CMSS1: variants seen among roughly 807,000 people sequenced by gnomAD.
The protein encoded by CMSS1 is protein CMSS1.
Under a neutral mutation model 43.5 loss-of-function variants are expected in CMSS1, and 33 were observed. The observed-to-expected ratio is 0.76, with a 90% confidence interval of 0.57 to 1.01. CMSS1 has a LOEUF of 1.01. Among genes scored for constraint, CMSS1 ranks in the 50% least tolerant of loss-of-function variants. CMSS1 has a pLI of 0.00. For synonymous variants in CMSS1, 115 were observed against 117.2 expected (o/e 0.98, Z 0.12); for missense variants, 313 against 326.4 (o/e 0.96, Z 0.32).
chr3:99,875,252 A>T (rs899401970), intron 1 of CMSS1, among the ~76,000 whole-genome samples: 11 of 152,212 alleles, frequency 7.2e-5, no homozygotes, highest in African/African-American at 2.7e-4. Flanking sequence ...ATACTGTAAG[A>T]GTTCATTGGT....
intron 1 of CMSS1, among the ~76,000 whole-genome samples, chr3:100,133,429 C>A (rs2066725959): frequency 6.6e-6 from 1 of 151,708 alleles, no homozygotes; most frequent in African/African-American, 2.4e-5. Context: ...TACAGTAGGA[C>A]TGTCTTTTTA....
intron 1 of CMSS1, among the ~76,000 whole-genome samples, chr3:99,974,823 TAGTCCTTAGGAG>T: frequency 6.6e-6 from 1 of 152,254 alleles, no homozygotes; most frequent in East Asian, 1.9e-4. Context: ...GATAATAATT[TAGTCCTTAGGAG>T]ATGAACATTT....
At chr3:99,900,471 A>G (rs1706399383) in intron 1 of CMSS1, among the ~76,000 whole-genome samples, 1 of 152,352 alleles carries the variant, frequency 6.6e-6, no homozygotes, top group Non-Finnish European at 1.5e-5. Context: ...AAATAACCAG[A>G]TTTCAGATGA....
intron 1 of CMSS1, among the ~76,000 whole-genome samples, chr3:100,073,265 T>C (rs2107379143): frequency 6.6e-6 from 1 of 152,310 alleles, no homozygotes. Flanking sequence ...ATTATCTGAC[T>C]ATTTTCATCC....
At chr3:100,071,090 C>CTTT (rs61563009) in intron 1 of CMSS1, among the ~76,000 whole-genome samples, 7,142 of 70,136 alleles carry the variant, frequency 0.1, 372 homozygotes, top group East Asian at 0.17. Flanking sequence ...GCTACTCTCT[C>CTTT]TTTTTTTTTT....
At chr3:99,970,677 CAA>C (rs1708786692) in intron 1 of CMSS1, among the ~76,000 whole-genome samples, 1 of 152,146 alleles carries the variant, frequency 6.6e-6, no homozygotes, top group Non-Finnish European at 1.5e-5. Flanking sequence ...CAGTAAATGA[CAA>C]GACATTCTGT....
chr3:99,819,189 C>T (rs1942383220), intron 1 of CMSS1, among the ~76,000 whole-genome samples: 1 of 152,198 alleles, frequency 6.6e-6, no homozygotes, highest in African/African-American at 2.4e-5. Flanking sequence ...AGAAAGGTAG[C>T]CAATACAACA....
At chr3:99,948,665 A>G (rs577519161) in intron 1 of CMSS1, among the ~76,000 whole-genome samples, 2 of 149,926 alleles carry the variant, frequency 1.3e-5, no homozygotes, top group Admixed American at 6.6e-5. Flanking sequence ...GGGGAAGGGA[A>G]GGGAAAGAGG....
chr3:99,856,652 C>T (rs1470945830), intron 1 of CMSS1, among the ~76,000 whole-genome samples: 2 of 152,282 alleles, frequency 1.3e-5, no homozygotes, highest in Middle Eastern at 3.4e-3. Flanking sequence ...ATGTACAATA[C>T]CAGTTCCTTA....
intron 1 of CMSS1, among the ~76,000 whole-genome samples, chr3:99,865,401 G>A (rs1335553860): frequency 2.0e-5 from 3 of 152,090 alleles, no homozygotes; most frequent in Admixed American, 6.5e-5. Context: ...TTTGTGTGCT[G>A]TAATATTCTG....
chr3:100,093,577 G>T (rs2066150999), intron 1 of CMSS1, among the ~76,000 whole-genome samples: 1 of 152,004 alleles, frequency 6.6e-6, no homozygotes, highest in Non-Finnish European at 1.5e-5. Flanking sequence ...TCCTCCAATG[G>T]TAACATCTTA....
At chr3:100,170,506 T>C (rs1217540951) in intron 6 of CMSS1, among the ~76,000 whole-genome samples, 1 of 152,188 alleles carries the variant, frequency 6.6e-6, no homozygotes, top group East Asian at 1.9e-4. Context: ...CCAGGATCTG[T>C]TGGGAAACAT....
chr3:99,830,474 C>A (rs528170773), intron 1 of CMSS1: 5 of 456,582 alleles, frequency 1.1e-5, no homozygotes, highest in African/African-American at 1.0e-4. Context: ...CGATGTGTAG[C>A]TTCCCACAGC....
intron 1 of CMSS1, among the ~76,000 whole-genome samples, chr3:99,961,920 A>G (rs1270453203): frequency 6.6e-6 from 1 of 152,096 alleles, no homozygotes; most frequent in Non-Finnish European, 1.5e-5. Flanking sequence ...GGGACCAAGT[A>G]GTCTGTGATT....
chr3:99,997,841 T>C (rs1709727701), intron 1 of CMSS1, among the ~76,000 whole-genome samples: 1 of 152,214 alleles, frequency 6.6e-6, no homozygotes, highest in Admixed American at 6.5e-5. Context: ...AACACATAAG[T>C]CATGCTCTTA....
At chr3:99,985,021 C>G (rs1012004376) in intron 1 of CMSS1, among the ~76,000 whole-genome samples, 7 of 151,976 alleles carry the variant, frequency 4.6e-5, no homozygotes, top group Non-Finnish European at 1.0e-4. Flanking sequence ...AAGGGGTTGC[C>G]GTGAGGAAGG....
intron 1 of CMSS1, among the ~76,000 whole-genome samples, chr3:99,840,889 C>T (rs981380163): frequency 2.6e-5 from 4 of 152,192 alleles, no homozygotes; most frequent in Non-Finnish European, 5.9e-5. Flanking sequence ...TTAACTGAGG[C>T]TTTGTTAATC....
intron 9 of CMSS1, among the ~76,000 whole-genome samples, 171 bp from the exon 10 acceptor site, chr3:100,178,134 A>G (rs1463354060): frequency 6.6e-6 from 1 of 152,138 alleles, no homozygotes; most frequent in Admixed American, 6.6e-5. Context: ...AATAATAATA[A>G]TAATTTTAAA....
chr3:99,859,964 C>T (rs1320613567), intron 1 of CMSS1, among the ~76,000 whole-genome samples: 2 of 152,178 alleles, frequency 1.3e-5, no homozygotes, highest in African/African-American at 4.8e-5. Context: ...CTACAGCATA[C>T]CATAGCCATA....
Sources: allele counts gnomAD v4.1 joint callset (sites outside exome capture counted in the v4.1 genomes callset), GRCh38; gene constraint gnomAD v4.1.1; transcripts MANE v1.5; gene names NCBI Gene and HGNC (gene_info 2026-07-23, HGNC 2026-07-21).